Variants in TP53I13 observed in about 807,000 individuals in gnomAD.
TP53I13 encodes the protein tumor protein p53 inducible protein 13, also known as tumor protein p53-inducible protein 13.
Under a neutral mutation model 39.1 loss-of-function variants are expected in TP53I13, and 27 were observed. The ratio of observed to expected loss-of-function variants is 0.69; its 90% CI spans 0.51 to 0.95. The LOEUF (loss-of-function observed/expected upper bound fraction) is 0.95. Ranked by LOEUF, TP53I13 falls within the 40% of genes least tolerant of loss-of-function variation. The probability of loss-of-function intolerance (pLI) is 0.00; values close to 1 mark genes in which losing one functional copy is unlikely to be tolerated. For missense variants in TP53I13, 544 were observed against 520.4 expected (o/e 1.05, Z -0.44); for synonymous variants, 230 against 224.6 (o/e 1.02, Z -0.22).
downstream of TP53I13, chr17:29,575,504 T>C (rs2033160203): frequency 1.3e-6 from 2 of 1,586,802 alleles, no homozygotes; most frequent in Non-Finnish European, 1.7e-6. The surrounding 1 kb of genome is among the most constrained non-coding windows in gnomAD (Gnocchi z 5.5). Context: ...GAGACAAAGA[T>C]ACATATAGAG....
the TP53I13 span, chr17:29,582,088 G>A: frequency 6.2e-7 from 1 of 1,605,446 alleles, no homozygotes. Context: ...GGGCACCCAG[G>A]GAGAGCAGGC....
downstream of TP53I13, chr17:29,575,549 G>C: frequency 6.4e-7 from 1 of 1,560,388 alleles, no homozygotes; most frequent in Non-Finnish European, 8.8e-7. This position sits in a 1 kb window ranked among gnomAD's most constrained non-coding sequence, Gnocchi z 5.5. Flanking sequence ...CGCCCGCCTT[G>C]GTCCTCACAC....
In TP53I13 at chr17:29,569,018, G is replaced by A. The variant is rs1028761373; in HGVS notation, c.73G>A (p.Val25Met). Residue 25 changes from valine to methionine, a missense_variant and splice_region_variant, in exon 2 of 7, where the codon GTG becomes ATG. Coordinates refer to ENST00000301057, the MANE Select transcript of TP53I13 (RefSeq NM_138349.4). ...CCAACTCTTCGCTTTGGACCCACAG[G>A]TGATGGCTGGACCGGCGGAGGAGGC... ...ALARLLGPSE[V>M]MAGPAEEAGA... The A allele has an allele frequency of 1.2e-6, 2 of 1,609,648 alleles. No individual in the cohort carries two copies. The highest frequency in any genetic ancestry group is 1.1e-5 in the South Asian group (1 of 90,350).
rs754021169 is a variant in TP53I13, at chr17:29,572,198, A to G, written c.570A>G (p.Thr190=). ...GGCGGCCCCCTGGCACAGAGGTGAC[A>G]TCTCAAGGGCCCAGGCAGCCCTCTT... ...RSWRPPGTEV[T]SQGPRQPSSS... The change falls in exon 6 of 7, where the codon ACA becomes ACG. Residue 190 remains threonine (T), a synonymous_variant. Coordinates refer to ENST00000301057, the MANE Select transcript of TP53I13 (RefSeq NM_138349.4). The G allele has an allele frequency of 2.5e-6, 4 of 1,611,402 alleles. No individual in the cohort carries two copies. In the South Asian group the frequency reaches 3.3e-5, roughly 13 times the overall value.
At chr17:29,578,091 G>A (rs1296444369), downstream of TP53I13, among the ~76,000 whole-genome samples, 1 of 152,174 alleles carries the variant, frequency 6.6e-6, no homozygotes, top group African/African-American at 2.4e-5. Context: ...GTCTGAGGCT[G>A]GGGGAGGAGC....
upstream of TP53I13, chr17:29,566,941 G>C (rs773047266): frequency 4.2e-6 from 6 of 1,423,114 alleles, no homozygotes; most frequent in Middle Eastern, 2.5e-4. Context: ...CAAGATGAGC[G>C]CGAGGGCGGC....
At chr17:29,575,293 A>T, downstream of TP53I13, 1 of 1,611,088 alleles carries the variant, frequency 6.2e-7, no homozygotes, top group Non-Finnish European at 8.5e-7. This position sits in a 1 kb window ranked among gnomAD's most constrained non-coding sequence, Gnocchi z 5.5. Flanking sequence ...AGTACCTGTC[A>T]TGCTTGAACT....
At chr17:29,582,245 A>G in the TP53I13 span, 7 of 862,890 alleles carry the variant, frequency 8.1e-6, no homozygotes, top group Admixed American at 6.3e-5. Context: ...TAGCAGCTCC[A>G]AGGAGGCCTG....
Position 29,568,999 on chromosome 17 carries a change from C to T in TP53I13, c.73-19C>T, listed in dbSNP as rs2032818326. On this transcript the variant is annotated intron_variant, in intron 1 of 6. Coordinates refer to ENST00000301057, the MANE Select transcript of TP53I13 (RefSeq NM_138349.4). This position sits in a 1 kb window ranked among gnomAD's most constrained non-coding sequence, Gnocchi z 4.5. ...CCTCGCCGCGTCCAGCGCCCCAACT[C>T]TTCGCTTTGGACCCACAGGTGATGG... 1 of 1,606,168 alleles carries T rather than the reference C, an allele frequency of 6.2e-7. No homozygotes were observed. Among genetic ancestry groups the T allele is most frequent in the African/African-American group, 1.3e-5 (1 of 74,834 alleles).
chr17:29,581,225 G>C, the TP53I13 span: 66 of 783,886 alleles, frequency 8.4e-5, no homozygotes, highest in African/African-American at 9.3e-4. This position sits in a 1 kb window ranked among gnomAD's most constrained non-coding sequence, Gnocchi z 4.8. Context: ...TCTAGTCTCT[G>C]GGGGGAGGGA....
rs756092351 is a variant in TP53I13 at position 29,572,600 on chromosome 17, C to T, written c.972C>T (p.Leu324=). 2.5e-6 allele frequency: 4 copies of T among 1,591,132 alleles called. No homozygotes were observed. Among genetic ancestry groups the T allele is most frequent in the Non-Finnish European group, 3.4e-6 (4 of 1,169,658 alleles). ...AMALTFLLVL[L]TLATLCTRLH... is the part of the protein sequence containing the mutation. ...CCCTGACCTTCCTGCTGGTGCTGCTCACCCTGGCCACGCTCTGCACACGGC... is the reference window on the plus strand; with the variant it reads ...CCCTGACCTTCCTGCTGGTGCTGCTTACCCTGGCCACGCTCTGCACACGGC... The change falls in exon 6 of 7, where the codon CTC becomes CTT. Residue 324 remains leucine, a synonymous_variant. Coordinates refer to ENST00000301057, the MANE Select transcript of TP53I13 (RefSeq NM_138349.4).
downstream of TP53I13, chr17:29,575,946 C>T (rs770650646): frequency 2.6e-6 from 4 of 1,548,506 alleles, no homozygotes; most frequent in African/African-American, 5.4e-5. This position sits in a 1 kb window ranked among gnomAD's most constrained non-coding sequence, Gnocchi z 5.5. Context: ...CCCACTGCCC[C>T]CCTGCTCACC....
At chr17:29,577,861 G>T, downstream of TP53I13, 2 of 683,954 alleles carry the variant, frequency 2.9e-6, no homozygotes, top group Non-Finnish European at 5.3e-6. Context: ...CTGGTGTTCA[G>T]AACAGGGGTG....
chr17:29,569,287 GC>G, intron 2 of TP53I13, 30 bp from the exon 3 acceptor site: 1 of 1,612,274 alleles, frequency 6.2e-7, no homozygotes, highest in Non-Finnish European at 8.5e-7. Context: ...TCCCCCAACT[GC>G]CCTAAGCTCT....
intron 2 of TP53I13, 109 bp from the exon 3 acceptor site, chr17:29,569,209 A>G (rs1049486992): frequency 4.0e-5 from 60 of 1,486,044 alleles, no homozygotes; most frequent in Middle Eastern, 1.7e-4. Flanking sequence ...AGTCCTCAGT[A>G]GCCAACTTCT....
In TP53I13 at chr17:29,568,969, C is replaced by T; in HGVS notation, c.73-49C>T. ...GGGCTGGGCCTGGGGAGAGAGAGGG[C>T]AGGGCCTCGCCGCGTCCAGCGCCCC... On this transcript the variant is annotated intron_variant, in intron 1 of 6. Transcript: ENST00000301057. This position sits in a 1 kb window ranked among gnomAD's most constrained non-coding sequence, Gnocchi z 4.5. 1 of 1,589,624 alleles carries T rather than the reference C, an allele frequency of 6.3e-7. No individual in the cohort carries two copies. Among genetic ancestry groups the T allele is most frequent in the Non-Finnish European group, 8.6e-7 (1 of 1,169,396 alleles).
downstream of TP53I13, chr17:29,577,521 C>G (rs1355670514): frequency 6.7e-6 from 5 of 750,798 alleles, no homozygotes; most frequent in Non-Finnish European, 1.2e-5. Flanking sequence ...CCAGTGCCAG[C>G]TGTGCCCTGA....
downstream of TP53I13, chr17:29,575,187 G>T: frequency 6.4e-7 from 1 of 1,564,096 alleles, no homozygotes; most frequent in Non-Finnish European, 8.7e-7. This position sits in a 1 kb window ranked among gnomAD's most constrained non-coding sequence, Gnocchi z 5.5. Context: ...TCTCAAGGGA[G>T]GTTCCCAGGG....
chr17:29,566,414 C>G, upstream of TP53I13: 5 of 1,611,960 alleles, frequency 3.1e-6, no homozygotes, highest in Non-Finnish European at 4.2e-6. Flanking sequence ...GGGTAGTAGC[C>G]GCGCTCCAGG....
Sources: gnomAD v4.1 joint callset for allele counts (sites outside exome capture counted in the v4.1 genomes callset) on GRCh38, gnomAD v4.1.1 for gene constraint, Gnocchi (gnomAD v3.1) non-coding constraint, MANE v1.5 for transcripts, NCBI Gene and HGNC (gene_info 2026-07-23, HGNC 2026-07-21) for gene names.